Variants in PPP1R9A observed in about 807,000 individuals in gnomAD.
PPP1R9A encodes the protein neurabin-1.
Under a neutral mutation model 141.9 loss-of-function variants are expected in PPP1R9A, and 59 were observed. The ratio of observed to expected loss-of-function variants is 0.42; its 90% confidence interval spans 0.34 to 0.52. The LOEUF (loss-of-function observed/expected upper bound fraction) is 0.52. Among genes scored for constraint, PPP1R9A ranks in the 20% least tolerant of loss-of-function variants. The pLI is 0.10. For synonymous variants in PPP1R9A, 500 were observed against 569.7 expected, an observed-to-expected ratio of 0.88 and a Z score of 1.74; for missense variants, 1,444 against 1,611.9, an observed-to-expected ratio of 0.90 and a Z score of 1.78.
intron 3 of PPP1R9A, 118 bp downstream of exon 3, chr7:95,111,509 A>G: frequency 1.9e-6 from 2 of 1,037,256 alleles, no homozygotes; most frequent in Middle Eastern, 2.4e-4. Flanking sequence ...CTAACAGAGG[A>G]TCTTATTTAT....
intron 2 of PPP1R9A, among the ~76,000 whole-genome samples, chr7:94,974,233 G>A (rs1799179983): frequency 6.6e-6 from 1 of 152,282 alleles, no homozygotes; most frequent in Middle Eastern, 3.4e-3. Context: ...ATTTTGGCAG[G>A]TTGGGTAAGA....
chr7:95,020,865 A>G (rs947231798), intron 2 of PPP1R9A, among the ~76,000 whole-genome samples: 7 of 152,218 alleles, frequency 4.6e-5, no homozygotes, highest in African/African-American at 1.7e-4. Context: ...TTCTTTATCC[A>G]GTCTGTCATT....
At chr7:95,030,701 G>T (rs1180631890) in intron 2 of PPP1R9A, among the ~76,000 whole-genome samples, 1 of 152,058 alleles carries the variant, frequency 6.6e-6, no homozygotes, top group African/African-American at 2.4e-5. Context: ...CTACCTACAT[G>T]CATAAAGCTG....
chr7:95,112,035 G>C (rs552145529), intron 3 of PPP1R9A, among the ~76,000 whole-genome samples: 1 of 150,698 alleles, frequency 6.6e-6, no homozygotes, highest in Non-Finnish European at 1.5e-5. Context: ...CTCTGAGAGA[G>C]CTTTGAAAAA....
At chr7:95,107,017 A>G (rs931444777) in intron 2 of PPP1R9A, among the ~76,000 whole-genome samples, 2 of 152,052 alleles carry the variant, frequency 1.3e-5, no homozygotes, top group African/African-American at 4.8e-5. Context: ...CCTGACCTCA[A>G]GTGATCGGCC....
intron 2 of PPP1R9A, among the ~76,000 whole-genome samples, chr7:94,982,357 G>A (rs1449975089): frequency 6.6e-6 from 1 of 152,108 alleles, no homozygotes; most frequent in East Asian, 1.9e-4. Context: ...GGATCACTGG[G>A]TCAAATGGTA....
At chr7:95,196,493 T>C (rs946190752) in intron 5 of PPP1R9A, among the ~76,000 whole-genome samples, 1 of 152,222 alleles carries the variant, frequency 6.6e-6, no homozygotes, top group East Asian at 1.9e-4. Context: ...TGAAAACTTA[T>C]GTTCACATAA....
chr7:94,986,445 G>C (rs1223691071), intron 2 of PPP1R9A, among the ~76,000 whole-genome samples: 1 of 152,114 alleles, frequency 6.6e-6, no homozygotes, highest in Non-Finnish European at 1.5e-5. Context: ...AAACATGAGC[G>C]GATAGAGGTA....
intron 4 of PPP1R9A, among the ~76,000 whole-genome samples, chr7:95,146,425 ATTTTCTCCCATT>A (rs1584940788): frequency 6.6e-6 from 1 of 151,804 alleles, no homozygotes; most frequent in East Asian, 1.9e-4. Context: ...GATTGCAAAA[ATTTTCTCCCATT>A]CTGTAGGTTG....
intron 5 of PPP1R9A, among the ~76,000 whole-genome samples, chr7:95,182,477 A>C (rs1834003097): frequency 6.6e-6 from 1 of 152,172 alleles, no homozygotes; most frequent in African/African-American, 2.4e-5. Flanking sequence ...GATCATTTCC[A>C]TTTGAAATGC....
At chr7:94,921,446 CA>C (rs201039573) in intron 2 of PPP1R9A, among the ~76,000 whole-genome samples, 1,830 of 92,054 alleles carry the variant, frequency 0.02, 30 homozygotes, top group African/African-American at 0.057. Context: ...GACTCCGGCT[CA>C]AAAAAAAAAA....
chr7:94,949,907 CTTTT>C (rs201956798), intron 2 of PPP1R9A, among the ~76,000 whole-genome samples: 1 of 118,090 alleles, frequency 8.5e-6, no homozygotes, highest in African/African-American at 3.1e-5. Context: ...TAAAACAGTT[CTTTT>C]TTTTTTTTTT....
chr7:95,197,335 G>A (rs778963262), intron 5 of PPP1R9A, among the ~76,000 whole-genome samples: 8 of 152,162 alleles, frequency 5.3e-5, no homozygotes, highest in Non-Finnish European at 8.8e-5. Context: ...ATATTAAATT[G>A]TTGAGCACAA....
Position 94,910,898 on chromosome 7 carries a change from A to C in PPP1R9A, c.785A>C (p.Asn262Thr). 1 of 1,614,032 alleles carries C rather than the reference A, an allele frequency of 6.2e-7. No homozygotes were observed. Among genetic ancestry groups the C allele is most frequent in the Non-Finnish European group, 8.5e-7 (1 of 1,180,014 alleles). The change falls in exon 2 of 20, where the codon AAC (asparagine) becomes ACC (threonine). Residue 262 changes from asparagine (N) to threonine (T), a missense_variant. By Grantham distance (65) the Asn-to-Thr change is moderately conservative. Coordinates refer to ENST00000433360, the MANE Select transcript of PPP1R9A (RefSeq NM_001166160.2). This position sits in a 1 kb window ranked among gnomAD's most constrained non-coding sequence, Gnocchi z 4.5. ...GATTCTAATTCCTGGCCTCCTTCAA[A>C]CAAGCGAGGTGTTGATACAGAGGAT... ...LKDSNSWPPS[N>T]KRGVDTEDAH...
chr7:94,981,984 C>A (rs948951273), intron 2 of PPP1R9A, among the ~76,000 whole-genome samples: 1 of 151,138 alleles, frequency 6.6e-6, no homozygotes, highest in African/African-American at 2.4e-5. Flanking sequence ...AACCCCCCAC[C>A]CCACTACAGG....
intron 2 of PPP1R9A, among the ~76,000 whole-genome samples, chr7:95,065,602 A>G (rs1220109262): frequency 6.6e-6 from 1 of 152,182 alleles, no homozygotes; most frequent in Non-Finnish European, 1.5e-5. Flanking sequence ...GACTGGAGTC[A>G]TCACTGGATT....
intron 2 of PPP1R9A, among the ~76,000 whole-genome samples, chr7:94,961,210 A>G (rs563369885): frequency 8.2e-4 from 125 of 151,838 alleles, no homozygotes; most frequent in Admixed American, 4.4e-3. Context: ...AAACTTATAA[A>G]TAAATGACAC....
chr7:94,957,476 GA>G (rs1459862486), intron 2 of PPP1R9A, among the ~76,000 whole-genome samples: 1 of 152,060 alleles, frequency 6.6e-6, no homozygotes, highest in Non-Finnish European at 1.5e-5. Context: ...ATGGGAGGAT[GA>G]AAGTCAGAAT....
chr7:95,259,287 CTTTT>C (rs908863116), intron 12 of PPP1R9A, among the ~76,000 whole-genome samples: 2 of 144,562 alleles, frequency 1.4e-5, no homozygotes, highest in African/African-American at 5.1e-5. Flanking sequence ...ACATGGTTGT[CTTTT>C]TTTTTTTCTT....
Sources: allele counts gnomAD v4.1 joint callset (sites outside exome capture counted in the v4.1 genomes callset), GRCh38; gene constraint gnomAD v4.1.1; non-coding constraint Gnocchi (gnomAD v3.1); transcripts MANE v1.5; gene names NCBI Gene and HGNC (gene_info 2026-07-23, HGNC 2026-07-21).